The following SLC25A40 variants were observed in gnomAD, a reference collection of about 807,000 sequenced individuals.
The protein encoded by SLC25A40 is solute carrier family 25 member 40.
In SLC25A40, 41 loss-of-function variants were observed where a neutral mutation model predicts 46.5. The observed-to-expected ratio is 0.88, with a 90% CI of 0.69 to 1.14. The LOEUF is 1.14. Ranked by LOEUF, SLC25A40 falls within the 50% of genes most tolerant of loss-of-function variation. SLC25A40 has a pLI of 0.00. For missense variants in SLC25A40, 386 were observed against 393.6 expected, an observed-to-expected ratio of 0.98 and a Z score of 0.16; for synonymous variants, 126 against 127.5, an observed-to-expected ratio of 0.99 and a Z score of 0.08.
At chr7:87,870,452 G>A (rs563888505) in intron 1 of SLC25A40, among the ~76,000 whole-genome samples, 1 of 152,174 alleles carries the variant, frequency 6.6e-6, no homozygotes, top group Non-Finnish European at 1.5e-5. Flanking sequence ...ATAGGGACAA[G>A]AGGCAGATAA....
rs141032561 is a variant in SLC25A40 at position 87,864,194 on chromosome 7, C to T, written c.-93-3554G>A. Among the ~76,000 whole-genome samples the T allele has an allele frequency of 7.8e-3, 1,182 of 152,306 alleles. 13 individuals are homozygous for T. Among genetic ancestry groups the T allele is most frequent in the Non-Finnish European group, 9.7e-3 (657 of 68,024 alleles). On this transcript the variant is annotated intron_variant, in intron 1 of 11. Transcript: ENST00000341119. ...CCACTAATACTGAATTGCTGTCTCTCTCCCTTTAGGACTATTTTAAAAATT... is the reference window on the plus strand; with the variant it reads ...CCACTAATACTGAATTGCTGTCTCTTTCCCTTTAGGACTATTTTAAAAATT...
intron 9 of SLC25A40, 107 bp downstream of exon 9, chr7:87,843,647 G>A (rs1338967219): frequency 5.8e-6 from 4 of 691,434 alleles, no homozygotes; most frequent in Non-Finnish European, 9.4e-6. Context: ...AAATTTTCAA[G>A]CAGTGCAGCC....
intron 6 of SLC25A40, among the ~76,000 whole-genome samples, chr7:87,848,972 T>C (rs1318892171): frequency 6.6e-6 from 1 of 152,188 alleles, no homozygotes; most frequent in Non-Finnish European, 1.5e-5. Context: ...AAGTATAAAG[T>C]TCTTGGGAAT....
chr7:87,836,811 C>T lies in SLC25A40; in HGVS notation c.824-1G>A. ...GTTGACATATGCAAAGGCATAGAAA[C>T]TAAATGTTAAAATAAAGAAATAATG... On this transcript the variant is annotated splice_acceptor_variant, in intron 10 of 11. Transcript: ENST00000341119. LOFTEE classifies it high-confidence loss of function. 1 of 1,480,924 alleles carries T rather than the reference C, an allele frequency of 6.8e-7. No individual in the cohort carries two copies. Among genetic ancestry groups the T allele is most frequent in the East Asian group, 2.6e-5 (1 of 38,672 alleles). 91.7% of individuals were successfully genotyped at this position (1,480,924 alleles called of 1,614,324 possible). A position where few individuals can be genotyped will look rare whatever the true frequency, so the allele number is the denominator to read the frequency against.
intron 10 of SLC25A40, among the ~76,000 whole-genome samples, chr7:87,837,352 A>T (rs1478412477): frequency 2.0e-5 from 3 of 151,128 alleles, no homozygotes; most frequent in Non-Finnish European, 4.4e-5. Context: ...AAATAGTTTT[A>T]AAACTTTTTT....
chr7:87,842,849 C>G (rs552192636), intron 9 of SLC25A40, among the ~76,000 whole-genome samples: 1 of 152,052 alleles, frequency 6.6e-6, no homozygotes, highest in South Asian at 2.1e-4. Context: ...AGAGGACTTT[C>G]CTTCATATTT....
At chr7:87,848,104 A>C in intron 6 of SLC25A40, 127 bp from the exon 7 acceptor site, 1 of 1,061,650 alleles carries the variant, frequency 9.4e-7, no homozygotes, top group South Asian at 1.9e-5. Flanking sequence ...AAACTACAAT[A>C]AATCAGCCTA....
At chr7:87,837,728 C>T (rs1383051828) in intron 10 of SLC25A40, among the ~76,000 whole-genome samples, 2 of 151,022 alleles carry the variant, frequency 1.3e-5, no homozygotes, top group Admixed American at 6.6e-5. Context: ...AAAAAGAATT[C>T]TAAGAACCAG....
At chr7:87,871,256 C>T (rs923774783) in intron 1 of SLC25A40, among the ~76,000 whole-genome samples, 4 of 152,180 alleles carry the variant, frequency 2.6e-5, no homozygotes, top group Non-Finnish European at 5.9e-5. Context: ...TGTGAACTGC[C>T]CTATGTGGAG....
chr7:87,843,920 TAA>T, intron 8 of SLC25A40, 57 bp from the exon 9 acceptor site: 1 of 1,469,014 alleles, frequency 6.8e-7, no homozygotes, highest in Non-Finnish European at 9.2e-7. Context: ...TGGACTTTAA[TAA>T]AAGAGTTATG....
Position 87,869,285 on chromosome 7 carries a change from G to C in SLC25A40, c.-94+6811C>G, listed in dbSNP as rs368928594. On this transcript the variant is annotated intron_variant, in intron 1 of 11. Transcript: ENST00000341119. ...TCATGCCTGTATTCCTAGCACTTTG[G>C]GGGGCCGAGTGAGGCAAACTGCTTG... 3.3e-5 allele frequency among the ~76,000 whole-genome samples: 5 copies of C among 152,208 alleles called. No homozygotes were observed. The East Asian group carries it at 7.7e-4, about 24-fold the overall frequency.
intron 1 of SLC25A40, among the ~76,000 whole-genome samples, chr7:87,867,491 TTTTTG>T (rs1838822402): frequency 6.6e-6 from 1 of 152,208 alleles, no homozygotes; most frequent in African/African-American, 2.4e-5. Context: ...CTGGAATTTT[TTTTTG>T]TTTTATCTTG....
At chr7:87,866,081 T>A (rs889717050) in intron 1 of SLC25A40, among the ~76,000 whole-genome samples, 1 of 148,170 alleles carries the variant, frequency 6.7e-6, no homozygotes, top group Admixed American at 6.7e-5. Flanking sequence ...AAACCCTCTC[T>A]AGGAAAAAAA....
intron 2 of SLC25A40, among the ~76,000 whole-genome samples, chr7:87,859,225 C>T (rs543238073): frequency 1.3e-5 from 2 of 152,156 alleles, no homozygotes; most frequent in South Asian, 2.1e-4. Context: ...GAGGCCGAGG[C>T]GGGCGCATCA....
At chr7:87,850,492 T>A (rs1838491163) in intron 5 of SLC25A40, among the ~76,000 whole-genome samples, 1 of 152,282 alleles carries the variant, frequency 6.6e-6, no homozygotes, top group South Asian at 2.1e-4. Context: ...AAAAACTGTT[T>A]GGCTGCATGC....
intron 1 of SLC25A40, among the ~76,000 whole-genome samples, chr7:87,874,450 C>T (rs1478542590): frequency 1.3e-5 from 2 of 152,200 alleles, no homozygotes; most frequent in East Asian, 3.8e-4. Flanking sequence ...AAAGAGTACA[C>T]TCAACCTGTC....
intron 1 of SLC25A40, among the ~76,000 whole-genome samples, chr7:87,874,763 G>C (rs766330349): frequency 2.4e-4 from 37 of 152,226 alleles, no homozygotes; most frequent in Non-Finnish European, 2.1e-4. Flanking sequence ...TAAAATTGGG[G>C]CTCAAAATTA....
intron 10 of SLC25A40, among the ~76,000 whole-genome samples, chr7:87,839,726 C>G (rs1023024759): frequency 6.6e-6 from 1 of 151,698 alleles, no homozygotes; most frequent in Non-Finnish European, 1.5e-5. Context: ...TCTCATTTAT[C>G]TGTATATACC....
Position 87,834,997 on chromosome 7 carries a change from A to G in SLC25A40, c.*1252T>C, listed in dbSNP as rs978954218. On this transcript the variant is annotated 3_prime_UTR_variant, in exon 12 of 12. Transcript: ENST00000341119. ...ATCAATTAGTTCCTCTACCAGCACT[A>G]AAGACTTGTCATCTAAATATATTCA... 4 of 151,484 alleles carry G rather than the reference A, an allele frequency of 2.6e-5. No individual in the cohort carries two copies. The highest frequency in any genetic ancestry group is 9.7e-5 in the African/African-American group (4 of 41,360). 9.4% of individuals were successfully genotyped at this position (151,484 alleles called of 1,614,324 possible). A position where few individuals can be genotyped will look rare whatever the true frequency, so the allele number is the denominator to read the frequency against.
Sources: allele counts gnomAD v4.1 joint callset (sites outside exome capture counted in the v4.1 genomes callset), GRCh38; gene constraint gnomAD v4.1.1; transcripts MANE v1.5; gene names NCBI Gene and HGNC (gene_info 2026-07-23, HGNC 2026-07-21).